RASA2: variants seen among roughly 807,000 people sequenced by gnomAD.
RASA2 encodes the protein RAS p21 protein activator 2.
A neutral mutation model predicts 118.2 loss-of-function variants in RASA2; 155 were observed. The observed-to-expected ratio is 1.31, with a 90% CI of 1.15 to 1.50. The LOEUF (loss-of-function observed/expected upper bound fraction) is 1.50, where lower values mean the gene tolerates loss of function less well. Ranked by LOEUF, RASA2 falls within the 40% of genes most tolerant of loss-of-function variation. RASA2 has a pLI of 0.00. For missense variants in RASA2, 1,016 were observed against 1,009.6 expected (o/e 1.01, Z -0.09); for synonymous variants, 353 against 349.1 (o/e 1.01, Z -0.12).
intron 1 of RASA2, among the ~76,000 whole-genome samples, chr3:141,507,680 T>G (rs897289488): frequency 2.6e-5 from 4 of 152,196 alleles, no homozygotes; most frequent in Non-Finnish European, 5.9e-5. Context: ...CTTGTGCCTT[T>G]CTTAATATTC....
chr3:141,586,027 C>T lies in RASA2; in HGVS notation c.1755C>T (p.Phe585=). 1 of 1,607,204 alleles carries T rather than the reference C, an allele frequency of 6.2e-7. No individual in the cohort carries two copies. Among genetic ancestry groups the T allele is most frequent in the Non-Finnish European group, 8.5e-7 (1 of 1,174,248 alleles). Residue 585 remains phenylalanine, a splice_region_variant and synonymous_variant, in exon 18 of 24, where the codon TTC becomes TTT. Coordinates refer to ENST00000286364, the MANE Select transcript of RASA2 (RefSeq NM_006506.5). ...EEGYIIAVKK[F]LDEISSTETK... ...TATTTGCCCATTTCCCCATTTAGTTCTTGGATGAAATTTCATCTACTGAAA... is the reference window on the plus strand; with the variant it reads ...TATTTGCCCATTTCCCCATTTAGTTTTTGGATGAAATTTCATCTACTGAAA...
intron 14 of RASA2, among the ~76,000 whole-genome samples, chr3:141,574,486 A>G (rs1353628185): frequency 6.6e-6 from 1 of 152,180 alleles, no homozygotes; most frequent in Admixed American, 6.5e-5. Flanking sequence ...CACCACGCCC[A>G]GCCTAAGGTT....
chr3:141,581,264 C>G lies in RASA2; in HGVS notation c.1752+87C>G, dbSNP rs1410096337. ...TTTATATATATTATTATTATCAATC[C>G]CCAGTTTAAATAATAATGTTTAAAC... On this transcript the variant is annotated intron_variant, in intron 17 of 23. Transcript: ENST00000286364. 4 of 1,010,706 alleles carry G rather than the reference C, an allele frequency of 4.0e-6. No homozygotes were observed. The African/African-American group carries it at 6.8e-5, about 17-fold the overall frequency. The allele number at this position is 1,010,706 out of a possible 1,614,324, so 62.6% of individuals were successfully genotyped here. A position where few individuals can be genotyped will look rare whatever the true frequency, so the allele number is the denominator to read the frequency against.
intron 1 of RASA2, among the ~76,000 whole-genome samples, chr3:141,487,468 C>G (rs2081591830): frequency 6.6e-6 from 1 of 151,750 alleles, no homozygotes; most frequent in African/African-American, 2.4e-5. Flanking sequence ...GTGGGAGAGC[C>G]CGGGCTGCGC....
At chr3:141,499,869 A>G (rs1396304220) in intron 1 of RASA2, among the ~76,000 whole-genome samples, 1 of 152,168 alleles carries the variant, frequency 6.6e-6, no homozygotes, top group Non-Finnish European at 1.5e-5. Context: ...GATTACAGGC[A>G]TGAGCCACCG....
chr3:141,503,467 C>G (rs1346532267), intron 1 of RASA2, among the ~76,000 whole-genome samples: 1 of 152,142 alleles, frequency 6.6e-6, no homozygotes, highest in East Asian at 1.9e-4. Flanking sequence ...TTTTCCATTT[C>G]TGTTAATCTT....
chr3:141,545,070 T>A lies in RASA2; in HGVS notation c.527+4461T>A, dbSNP rs531346674. The stretch of plus-strand genomic sequence containing the variant: ...CCTTAATACCTAAGTGACAAAATAA[T>A]CTGTACAACAAACCCTTGTGACACA... On this transcript the variant is annotated intron_variant, in intron 5 of 23. Transcript: ENST00000286364. 2.8e-3 allele frequency among the ~76,000 whole-genome samples: 426 copies of A among 152,260 alleles called. 2 individuals carry two copies. Among genetic ancestry groups the A allele is most frequent in the African/African-American group, 9.9e-3 (413 of 41,538 alleles).
intron 3 of RASA2, among the ~76,000 whole-genome samples, chr3:141,521,397 T>C (rs544977758): frequency 6.6e-6 from 1 of 152,332 alleles, no homozygotes; most frequent in Non-Finnish European, 1.5e-5. Flanking sequence ...TAAGGATTGA[T>C]AGAGGCTATT....
At chr3:141,543,158 T>G (rs1432757472) in intron 5 of RASA2, among the ~76,000 whole-genome samples, 1 of 152,086 alleles carries the variant, frequency 6.6e-6, no homozygotes, top group African/African-American at 2.4e-5. Context: ...AATTCCATTT[T>G]GATTTATTTA....
chr3:141,585,949 T>G (rs571385738), intron 17 of RASA2, 76 bp from the exon 18 acceptor site: 1 of 1,129,954 alleles, frequency 8.8e-7, no homozygotes, highest in East Asian at 2.6e-5. Flanking sequence ...TTATAATTAA[T>G]GACATGTAAG....
At chr3:141,558,095 G>A (rs761311192) in intron 7 of RASA2, among the ~76,000 whole-genome samples, 2 of 152,120 alleles carry the variant, frequency 1.3e-5, no homozygotes, top group African/African-American at 4.8e-5. Context: ...TAATTTCTGC[G>A]ACTCAAGTAT....
intron 3 of RASA2, among the ~76,000 whole-genome samples, chr3:141,521,445 C>T (rs929326586): frequency 4.6e-5 from 7 of 152,140 alleles, no homozygotes; most frequent in Admixed American, 2.0e-4. Flanking sequence ...TGTATAACTT[C>T]GGCCATCATA....
At chr3:141,580,500 AC>A (rs748936298) in intron 16 of RASA2, 49 bp downstream of exon 16, 1 of 1,412,186 alleles carries the variant, frequency 7.1e-7, no homozygotes, top group Non-Finnish European at 9.9e-7. Flanking sequence ...AAATGTTGTT[AC>A]ATCCTATGAT....
In RASA2 at chr3:141,610,011, G is replaced by A. The variant is rs2107803357; in HGVS notation, c.2464G>A (p.Glu822Lys). ...QIKSIIEKLDEPHEKYRKKRS... is the reference protein window; with the variant it reads ...QIKSIIEKLDKPHEKYRKKRS... ...AAAAAGCATAATTGAGAAGCTGGAT[G>A]AACCTCATGAAAAATATAGGAAGAA... The change falls in exon 23 of 24, where the codon GAA becomes AAA. Residue 822 changes from glutamate to lysine, a missense_variant. Glu to Lys is a moderately conservative substitution (Grantham distance 56, BLOSUM62 1). Transcript: ENST00000286364. 1 of 1,604,394 alleles carries A rather than the reference G, an allele frequency of 6.2e-7. No homozygotes were observed. Among genetic ancestry groups the A allele is most frequent in the Non-Finnish European group, 8.5e-7 (1 of 1,175,662 alleles).
At chr3:141,508,815 AT>A (rs199828343) in intron 1 of RASA2, among the ~76,000 whole-genome samples, 1,064 of 143,188 alleles carry the variant, frequency 7.4e-3, no homozygotes, top group Middle Eastern at 7.2e-3. Flanking sequence ...TTGGCAATGG[AT>A]TTTTTTTTTT....
intron 3 of RASA2, among the ~76,000 whole-genome samples, chr3:141,524,978 G>T (rs976718649): frequency 1.3e-5 from 2 of 152,170 alleles, no homozygotes; most frequent in Non-Finnish European, 2.9e-5. Flanking sequence ...TTGGTGAATT[G>T]TATCAGGCTG....
At chr3:141,577,273 A>G (rs947313821) in intron 15 of RASA2, among the ~76,000 whole-genome samples, 167 bp downstream of exon 15, 2 of 152,154 alleles carry the variant, frequency 1.3e-5, no homozygotes, top group Admixed American at 6.6e-5. Flanking sequence ...GAGGCTAATA[A>G]TCCTATTTTT....
intron 14 of RASA2, 74 bp from the exon 15 acceptor site, chr3:141,576,926 C>A: frequency 1.0e-6 from 1 of 994,370 alleles, no homozygotes; most frequent in Non-Finnish European, 1.5e-6. Flanking sequence ...CATGTCTTTT[C>A]TATATTTTTT....
chr3:141,614,125 T>A lies in RASA2; in HGVS notation c.*1812T>A, dbSNP rs924474271. ...TCATTATTCTTTAGTGGCTTTTTAG[T>A]CCTCTGCTTTTTTTTTTAAGGCAAA... On this transcript the variant is annotated 3_prime_UTR_variant, in exon 24 of 24. Transcript: ENST00000286364. 1 of 152,052 alleles carries A rather than the reference T, an allele frequency of 6.6e-6. No individual in the cohort carries two copies. Among genetic ancestry groups the A allele is most frequent in the African/African-American group, 2.4e-5 (1 of 41,392 alleles). 9.4% of individuals were successfully genotyped at this position (152,052 alleles called of 1,614,324 possible).
Sources: gnomAD v4.1 joint callset for allele counts (sites outside exome capture counted in the v4.1 genomes callset) on GRCh38, gnomAD v4.1.1 for gene constraint, MANE v1.5 for transcripts, NCBI Gene and HGNC (gene_info 2026-07-23, HGNC 2026-07-21) for gene names.